Variants in MED27 observed in about 807,000 individuals in gnomAD.
MED27 encodes the protein mediator of RNA polymerase II transcription subunit 27.
Under a neutral mutation model 38.2 loss-of-function variants are expected in MED27, and 30 were observed. The observed-to-expected ratio is 0.79, with a 90% confidence interval of 0.59 to 1.07. The LOEUF (loss-of-function observed/expected upper bound fraction) is 1.07. Ranked by LOEUF, MED27 falls within the 50% of genes least tolerant of loss-of-function variation. The pLI is 0.00. For missense variants in MED27, 289 were observed against 397.5 expected (o/e 0.73, Z 2.32); for synonymous variants, 122 against 153.5 (o/e 0.79, Z 1.52).
At chr9:132,077,267 C>T (rs556636917) in intron 2 of MED27, among the ~76,000 whole-genome samples, 175 bp downstream of exon 2, 1 of 152,312 alleles carries the variant, frequency 6.6e-6, no homozygotes, top group South Asian at 2.1e-4. Context: ...TCCCCAAAGA[C>T]TTCAAAGGAC....
At chr9:131,992,827 T>C (rs970415901) in intron 3 of MED27, among the ~76,000 whole-genome samples, 7 of 152,160 alleles carry the variant, frequency 4.6e-5, no homozygotes, top group Non-Finnish European at 1.0e-4. Flanking sequence ...ACCCACAATA[T>C]TCAGCTGGGA....
At chr9:132,058,479 T>G (rs1187856119) in intron 2 of MED27, among the ~76,000 whole-genome samples, 2 of 151,922 alleles carry the variant, frequency 1.3e-5, no homozygotes, top group Non-Finnish European at 2.9e-5. Context: ...CACTTCTCTC[T>G]CGGTATCATA....
chr9:131,989,699 A>C (rs1269543954), intron 3 of MED27, among the ~76,000 whole-genome samples: 1 of 152,130 alleles, frequency 6.6e-6, no homozygotes, highest in Non-Finnish European at 1.5e-5. Context: ...GAACCATACA[A>C]TAAACTTTTG....
intron 3 of MED27, among the ~76,000 whole-genome samples, chr9:131,971,377 G>A (rs1831472895): frequency 6.6e-6 from 1 of 152,200 alleles, no homozygotes; most frequent in African/African-American, 2.4e-5. Flanking sequence ...AGAGAGGGAG[G>A]TGGAAGGCGA....
In MED27 at chr9:131,868,890, A is replaced by G. The variant is rs894985128; in HGVS notation, c.724-5750T>C. ...GTAGCACAGGCTGCTCAAGGGTAGC[A>G]CGAACTGAATTCACTAGAAAGTGTC... On this transcript the variant is annotated intron_variant, in intron 6 of 7. Transcript: ENST00000292035. 4.1e-6 allele frequency: 4 copies of G among 985,380 alleles called. No individual in the cohort carries two copies. In the African/African-American group the frequency reaches 7.0e-5, roughly 17 times the overall value. 61.0% of individuals were successfully genotyped at this position (985,380 alleles called of 1,614,324 possible).
intron 4 of MED27, among the ~76,000 whole-genome samples, chr9:131,923,878 T>G (rs1212708356): frequency 6.6e-6 from 1 of 152,234 alleles, no homozygotes; most frequent in Non-Finnish European, 1.5e-5. Context: ...AGGATACTCT[T>G]GCATTTTGCT....
chr9:131,998,323 C>T (rs894242853), intron 3 of MED27, among the ~76,000 whole-genome samples: 1 of 150,884 alleles, frequency 6.6e-6, no homozygotes, highest in Admixed American at 6.6e-5. Context: ...ACTTCCTATC[C>T]TCCAAGAAGG....
intron 4 of MED27, among the ~76,000 whole-genome samples, chr9:131,926,435 A>G (rs1449291196): frequency 6.6e-6 from 1 of 152,182 alleles, no homozygotes; most frequent in Non-Finnish European, 1.5e-5. Context: ...CCCAAGAAAC[A>G]CAGCAGTGAG....
intron 3 of MED27, among the ~76,000 whole-genome samples, chr9:131,964,714 G>A (rs1470324374): frequency 2.6e-5 from 4 of 152,288 alleles, no homozygotes; most frequent in South Asian, 2.1e-4. Flanking sequence ...ATAAGACAGC[G>A]GTCTGTTTTA....
At chr9:131,955,482 T>C (rs1334910429) in intron 3 of MED27, among the ~76,000 whole-genome samples, 1 of 151,850 alleles carries the variant, frequency 6.6e-6, no homozygotes, top group Non-Finnish European at 1.5e-5. Flanking sequence ...GTTATGGAAA[T>C]AAAAATCAAC....
intron 4 of MED27, 116 bp downstream of exon 4, chr9:131,939,265 T>C (rs1322987961): frequency 1.8e-6 from 1 of 547,520 alleles, no homozygotes; most frequent in African/African-American, 2.0e-5. Context: ...TGTTATTCAC[T>C]ATCAAATTGG....
chr9:132,077,603 C>A lies in MED27; in HGVS notation c.204-17G>T. ...TCCAGCTCACTGAAAAGCAAAGAGA[C>A]AAGGCAAATAAACCTAAGCCCATTT... On this transcript the variant is annotated splice_polypyrimidine_tract_variant and intron_variant, in intron 1 of 7. Transcript: ENST00000292035. 6.2e-7 allele frequency: 1 copy of A among 1,613,882 alleles called. No homozygotes were observed. Among genetic ancestry groups the A allele is most frequent in the Non-Finnish European group, 8.5e-7 (1 of 1,179,878 alleles).
At chr9:131,901,241 C>T (rs1295450109) in intron 4 of MED27, among the ~76,000 whole-genome samples, 1 of 152,164 alleles carries the variant, frequency 6.6e-6, no homozygotes, top group Non-Finnish European at 1.5e-5. Context: ...AAAGAACAGG[C>T]TAAGGTAAGT....
At chr9:131,903,891 C>CTTTTTTTTTTTTTTTTTT (rs35837340) in intron 4 of MED27, among the ~76,000 whole-genome samples, 2 of 126,710 alleles carry the variant, frequency 1.6e-5, no homozygotes, top group Non-Finnish European at 1.7e-5. Context: ...CCACACACAG[C>CTTTTTTTTTTTTTTTTTT]TTTTTTTTTT....
At chr9:131,985,410 AAC>A (rs890481990) in intron 3 of MED27, among the ~76,000 whole-genome samples, 3 of 152,318 alleles carry the variant, frequency 2.0e-5, no homozygotes, top group African/African-American at 4.8e-5. Context: ...CATGTTTTAT[AAC>A]ACAGTCAAGT....
intron 2 of MED27, among the ~76,000 whole-genome samples, chr9:132,040,642 G>T (rs949666279): frequency 6.6e-6 from 1 of 152,234 alleles, no homozygotes; most frequent in African/African-American, 2.4e-5. Flanking sequence ...CAGCCCATCA[G>T]GCTTCAATCT....
chr9:132,024,630 G>A (rs1254544949), intron 2 of MED27, among the ~76,000 whole-genome samples: 1 of 152,182 alleles, frequency 6.6e-6, no homozygotes, highest in Non-Finnish European at 1.5e-5. Flanking sequence ...GCTATATTGA[G>A]AAGGAAATCT....
chr9:131,885,376 T>A (rs1007846068), intron 5 of MED27, among the ~76,000 whole-genome samples: 1 of 152,202 alleles, frequency 6.6e-6, no homozygotes, highest in African/African-American at 2.4e-5. Flanking sequence ...AGGTTTTTGT[T>A]TTTTGATATA....
chr9:132,038,975 C>G (rs912509818), intron 2 of MED27, among the ~76,000 whole-genome samples: 18 of 152,154 alleles, frequency 1.2e-4, no homozygotes. Flanking sequence ...GCCAGCCAGT[C>G]CATGGCAGGG....
Sources: allele counts gnomAD v4.1 joint callset (sites outside exome capture counted in the v4.1 genomes callset), GRCh38; gene constraint gnomAD v4.1.1; transcripts MANE v1.5; gene names NCBI Gene and HGNC (gene_info 2026-07-23, HGNC 2026-07-21).